Variants in MEFV observed in about 807,000 individuals in gnomAD.
MEFV encodes MEFV innate immunity regulator, pyrin, also known as pyrin.
Under a neutral mutation model 62.5 loss-of-function variants are expected in MEFV, and 60 were observed. That is an observed-to-expected ratio of 0.96 (90% CI 0.78 to 1.19). The LOEUF is 1.19. Ranked by LOEUF, MEFV falls within the 50% of genes most tolerant of loss-of-function variation. MEFV has a pLI of 0.00. For synonymous variants in MEFV, 500 were observed against 415.2 expected, an observed-to-expected ratio of 1.20 and a Z score of -2.48; for missense variants, 1,169 against 1,004.5, an observed-to-expected ratio of 1.16 and a Z score of -2.21.
chr16:3,256,589 G>C lies in MEFV; in HGVS notation c.-2C>G. On this transcript the variant is annotated 5_prime_UTR_variant, in exon 1 of 10. Transcript: ENST00000219596. ...ATGGTCACTAGGGGTCTTAGCCATGGTGCTGAGCAGGAGAGGCTCGAGCCA... is the reference window on the plus strand; with the variant it reads ...ATGGTCACTAGGGGTCTTAGCCATGCTGCTGAGCAGGAGAGGCTCGAGCCA... The C allele has an allele frequency of 6.2e-7, 1 of 1,614,186 alleles. No individual in the cohort carries two copies. Among genetic ancestry groups the C allele is most frequent in the Non-Finnish European group, 8.5e-7 (1 of 1,180,044 alleles).
intron 4 of MEFV, 116 bp from the exon 5 acceptor site, chr16:3,247,362 T>C: frequency 1.3e-6 from 1 of 786,124 alleles, no homozygotes. Context: ...TTATGCTGCC[T>C]CTTCAAGGCC....
At position 3,243,426 on chromosome 16, in the gene MEFV, G is replaced by C; in HGVS notation, c.2061C>G (p.Gly687=). Residue 687 remains glycine (G), a synonymous_variant, in exon 10 of 10, where the codon GGC becomes GGG. Transcript: ENST00000219596. The part of the protein sequence containing the change: ...KGNMTLSPEN[G]YWVVIMMKEN... The stretch of plus-strand genomic sequence containing the variant: ...CCTTCATCATTATCACCACCCAGTA[G>C]CCATTCTCTGGCGACAGAGTCATGT... The C allele has an allele frequency of 6.2e-7, 1 of 1,614,154 alleles. No individual in the cohort carries two copies. Among genetic ancestry groups the C allele is most frequent in the East Asian group, 2.2e-5 (1 of 44,878 alleles).
rs1958929012 is a variant in MEFV at position 3,245,539 on chromosome 16, T to C, written c.1611-951A>G. Among the ~76,000 whole-genome samples, 2 of 151,550 alleles carry C rather than the reference T, an allele frequency of 1.3e-5. 1 individual carries two copies. The highest frequency in any genetic ancestry group is 4.2e-4 in the South Asian group (2 of 4,802). Reference sequence around the variant, plus strand: ...GTCCCAGCTACTAGGGAGGCTGAGGTGGGAGAATCCCTTGAACCTGGGAGG... The same window carrying C: ...GTCCCAGCTACTAGGGAGGCTGAGGCGGGAGAATCCCTTGAACCTGGGAGG... On this transcript the variant is annotated intron_variant, in intron 6 of 9. Transcript: ENST00000219596.
intron 4 of MEFV, 131 bp from the exon 5 acceptor site, chr16:3,247,377 T>A: frequency 1.4e-6 from 1 of 703,932 alleles, no homozygotes; most frequent in South Asian, 1.7e-5. Flanking sequence ...AAGGCCTAGA[T>A]TCCAGAGCAG....
rs104895207 is a variant in MEFV, at chr16:3,247,190, G to T, written c.1413C>A (p.Tyr471Ter). The part of the protein sequence containing the change: ...RVQRKLEQVY[Y>*]FLEQQEHFFV... ...AGAAATGCTCTTGCTGCTCCAGGAA[G>T]TAGTACACCTGCTCCAGCTTCCTCT... The change falls in exon 5 of 10, where the codon TAC becomes TAA. Residue 471 changes from tyrosine (Y) to a stop codon, truncating the protein, a stop_gained. Coordinates refer to ENST00000219596, the MANE Select transcript of MEFV (RefSeq NM_000243.3). LOFTEE classifies it high-confidence loss of function. 2 of 1,614,216 alleles carry T rather than the reference G, an allele frequency of 1.2e-6. No individual in the cohort carries two copies. The highest frequency in any genetic ancestry group is 1.3e-5 in the African/African-American group (1 of 75,058).
rs371505752 is a variant in MEFV, at chr16:3,256,408, G to T, written c.180C>A (p.Tyr60Ter). ...PVKMATLLVT[Y>*]YGEEYAVQLT... ...GCTGCACGGCGTACTCTTCCCCATA[G>T]TAGGTGACCAGCAGAGTGGCCATCT... is the stretch of plus-strand genomic sequence containing the variant. Residue 60 changes from tyrosine to a stop codon, truncating the protein, a stop_gained, in exon 1 of 10, where the codon TAC becomes TAA. Coordinates refer to ENST00000219596, the MANE Select transcript of MEFV (RefSeq NM_000243.3). LOFTEE classifies it high-confidence loss of function. 2 of 1,614,088 alleles carry T rather than the reference G, an allele frequency of 1.2e-6. No individual in the cohort carries two copies. The highest frequency in any genetic ancestry group is 2.7e-5 in the African/African-American group (2 of 74,948).
Position 3,249,687 on chromosome 16 carries a change from G to T in MEFV, c.1004C>A (p.Pro335His), listed in dbSNP as rs1437655363. ...CTGGGGGTGCCCAGAAACTGCCTCG[G>T]GGAAGCTGCAGGAATCACGCACACA... ...GTCVRDSCSFPEAVSGHPQAS... is the reference protein window; with the variant it reads ...GTCVRDSCSFHEAVSGHPQAS... Residue 335 changes from proline (P) to histidine (H), a missense_variant, in exon 3 of 10, where the codon CCC becomes CAC. Physicochemically the swap from Pro to His is moderately conservative, Grantham distance 77. Transcript: ENST00000219596. 2.5e-6 allele frequency: 4 copies of T among 1,612,922 alleles called. No homozygotes were observed. Among genetic ancestry groups the T allele is most frequent in the Middle Eastern group, 1.6e-4 (1 of 6,082 alleles).
chr16:3,249,392 T>A, intron 3 of MEFV, 39 bp downstream of exon 3: 1 of 1,573,310 alleles, frequency 6.4e-7, no homozygotes, highest in Non-Finnish European at 8.7e-7. Context: ...TGTGTCCAAG[T>A]GCCTGGCAGA....
chr16:3,256,558 C>T lies in MEFV; in HGVS notation c.30G>A (p.Leu10=), dbSNP rs553819712. 4 of 1,614,212 alleles carry T rather than the reference C, an allele frequency of 2.5e-6. No homozygotes were observed. Among genetic ancestry groups the T allele is most frequent in the African/African-American group, 2.7e-5 (2 of 75,058 alleles). ...AGGGCACCAGCTCCTCCAGGGTGGACAGCAGATGGTCACTAGGGGTCTTAG... is the reference window on the plus strand; with the variant it reads ...AGGGCACCAGCTCCTCCAGGGTGGATAGCAGATGGTCACTAGGGGTCTTAG... MAKTPSDHL[L]STLEELVPYD... Residue 10 remains leucine (L), a synonymous_variant, in exon 1 of 10, where the codon CTG becomes CTA. Transcript: ENST00000219596.
chr16:3,248,816 C>A (rs1958984388), intron 4 of MEFV, 93 bp downstream of exon 4: 1 of 1,604,706 alleles, frequency 6.2e-7, no homozygotes, highest in African/African-American at 1.3e-5. Flanking sequence ...TCCCTGCTGC[C>A]CTGTGAACCA....
Position 3,246,553 on chromosome 16 carries a change from A to AG in MEFV, c.1588-7dup. On this transcript the variant is annotated splice_polypyrimidine_tract_variant and splice_region_variant and intron_variant, in intron 5 of 9. Transcript: ENST00000219596. ...TGCAAGATGTCTCCAATGTCCTAGGAGAAAAAAGAAGGAAACTGTCGGTTA... is the reference window on the plus strand; with the variant it reads ...TGCAAGATGTCTCCAATGTCCTAGGAGGAAAAAAGAAGGAAACTGTCGGTTA... 1 of 1,614,092 alleles carries AG rather than the reference A, an allele frequency of 6.2e-7. No individual in the cohort carries two copies. The highest frequency in any genetic ancestry group is 8.5e-7 in the Non-Finnish European group (1 of 1,179,998).
At chr16:3,244,769 G>A (rs1958914139) in intron 6 of MEFV, among the ~76,000 whole-genome samples, 181 bp from the exon 7 acceptor site, 2 of 152,202 alleles carry the variant, frequency 1.3e-5, no homozygotes, top group African/African-American at 2.4e-5. Context: ...GCCACAGACT[G>A]TCATGTACTG....
chr16:3,255,345 T>A (rs754806958), intron 1 of MEFV, among the ~76,000 whole-genome samples: 83 of 152,236 alleles, frequency 5.5e-4, no homozygotes, highest in Non-Finnish European at 9.6e-4. Flanking sequence ...CTTCCTAGAC[T>A]AGACAATGGC....
In MEFV at chr16:3,244,293, T is replaced by C. The variant is rs751312074; in HGVS notation, c.1727-7A>G. 6 of 1,613,876 alleles carry C rather than the reference T, an allele frequency of 3.7e-6. No individual in the cohort carries two copies. The highest frequency in any genetic ancestry group is 1.3e-5 in the African/African-American group (1 of 74,964). ...ATTTCTGAACGCAGGGTTTCTAAAA[T>C]GTGGGAAAGGGAGCAGAGAGAAGCT... On this transcript the variant is annotated splice_region_variant and splice_polypyrimidine_tract_variant and intron_variant, in intron 7 of 9. Coordinates refer to ENST00000219596, the MANE Select transcript of MEFV (RefSeq NM_000243.3).
At chr16:3,248,658 G>A (rs550004103) in intron 4 of MEFV, 3 of 1,163,920 alleles carry the variant, frequency 2.6e-6, no homozygotes, top group East Asian at 3.1e-5. Context: ...ACCGGCATAG[G>A]TTGCTCTCTA....
chr16:3,256,356 T>G lies in MEFV; in HGVS notation c.232A>C (p.Asn78His). ...QLTLQVLRAI[N>H]QRLLAEELHR... ...AGCTCCTCGGCCAGCAGGCGCTGGTTGATGGCCCGCAGGACCTGCAGGGTG... is the reference window on the plus strand; with the variant it reads ...AGCTCCTCGGCCAGCAGGCGCTGGTGGATGGCCCGCAGGACCTGCAGGGTG... Residue 78 changes from asparagine to histidine, a missense_variant, in exon 1 of 10, where the codon AAC becomes CAC. Physicochemically the swap from Asn to His is moderately conservative, Grantham distance 68 (BLOSUM62 1). Transcript: ENST00000219596. The G allele has an allele frequency of 6.2e-7, 1 of 1,613,962 alleles. No homozygotes were observed. The highest frequency in any genetic ancestry group is 8.5e-7 in the Non-Finnish European group (1 of 1,180,006).
Position 3,249,587 on chromosome 16 carries a change from G to A in MEFV, c.1104C>T (p.Ser368=), listed in dbSNP as rs748777584. Residue 368 remains serine (S), a synonymous_variant, in exon 3 of 10, where the codon AGC becomes AGT. Coordinates refer to ENST00000219596, the MANE Select transcript of MEFV (RefSeq NM_000243.3). ...SHERKSPGSL[S]PQPLPQCKRH... ...GCTTACACTGTGGCAGGGGCTGGGG[G>A]CTTAGGCTTCCCGGGCTCTTCCTTT... 9 of 1,614,096 alleles carry A rather than the reference G, an allele frequency of 5.6e-6. No homozygotes were observed. Among genetic ancestry groups the A allele is most frequent in the African/African-American group, 2.7e-5 (2 of 74,948 alleles).
Position 3,249,813 on chromosome 16 carries a change from G to A in MEFV, c.911-33C>T, listed in dbSNP as rs767441773. On this transcript the variant is annotated intron_variant, in intron 2 of 9. Coordinates refer to ENST00000219596, the MANE Select transcript of MEFV (RefSeq NM_000243.3). ...CATGCAGTGGAAAAACCCCCTGAAT[G>A]GCAAACCCAAGTTGCTTACACAGAG... 90 of 1,581,738 alleles carry A rather than the reference G, an allele frequency of 5.7e-5. 1 individual carries two copies. The highest frequency in any genetic ancestry group is 5.3e-5 in the Non-Finnish European group (61 of 1,155,598).
intron 3 of MEFV, 71 bp downstream of exon 3, chr16:3,249,360 G>T: frequency 7.1e-7 from 1 of 1,398,694 alleles, no homozygotes; most frequent in Non-Finnish European, 1.0e-6. Flanking sequence ...CAGAGTTGTT[G>T]GGAAAATGAA....
Sources: allele counts gnomAD v4.1 joint callset (sites outside exome capture counted in the v4.1 genomes callset), GRCh38; gene constraint gnomAD v4.1.1; transcripts MANE v1.5; gene names NCBI Gene and HGNC (gene_info 2026-07-23, HGNC 2026-07-21).